The following CDH13 variants were observed in gnomAD, a reference collection of about 807,000 sequenced individuals.
CDH13 encodes the protein cadherin 13, also known as cadherin-13.
CDH13 carries 24 observed loss-of-function variants against 63.8 expected under a neutral mutation model. The observed-to-expected ratio is 0.38, with a 90% CI of 0.27 to 0.53. The LOEUF is 0.53. Among genes scored for constraint, CDH13 ranks in the 20% least tolerant of loss-of-function variants. The probability of loss-of-function intolerance (pLI) is 0.85; values close to 1 mark genes in which losing one functional copy is unlikely to be tolerated. For missense variants in CDH13, 1,049 were observed against 903.1 expected (o/e 1.16, Z -2.07); for synonymous variants, 503 against 355.3 (o/e 1.42, Z -4.67).
intron 5 of CDH13, among the ~76,000 whole-genome samples, chr16:83,238,384 C>A (rs936237045): frequency 6.6e-6 from 1 of 152,160 alleles, no homozygotes; most frequent in Non-Finnish European, 1.5e-5. Context: ...TCTTCTGAGA[C>A]TTATTCACTA....
chr16:83,308,158 AT>A (rs548059535), intron 5 of CDH13, among the ~76,000 whole-genome samples: 6 of 151,944 alleles, frequency 3.9e-5, no homozygotes, highest in Admixed American at 2.6e-4. Flanking sequence ...TATTCAATAT[AT>A]TTTTTTTGTT....
intron 2 of CDH13, among the ~76,000 whole-genome samples, chr16:82,870,782 A>C (rs888438015): frequency 5.3e-5 from 8 of 152,252 alleles, no homozygotes; most frequent in African/African-American, 1.7e-4. Context: ...TACCCATAAA[A>C]ATTTAAATTA....
At chr16:83,171,156 C>T (rs968477661) in intron 4 of CDH13, among the ~76,000 whole-genome samples, 2 of 152,068 alleles carry the variant, frequency 1.3e-5, no homozygotes, top group South Asian at 2.1e-4. Context: ...CCTTAGGAAA[C>T]TTATAGTCAT....
At chr16:83,474,907 C>A (rs1347634804) in intron 6 of CDH13, among the ~76,000 whole-genome samples, 3 of 152,184 alleles carry the variant, frequency 2.0e-5, no homozygotes, top group Admixed American at 6.5e-5. Context: ...GTTCAGTGAG[C>A]CGGTGCAGTT....
intron 1 of CDH13, among the ~76,000 whole-genome samples, chr16:82,715,771 A>G (rs1258238903): frequency 6.6e-6 from 1 of 152,120 alleles, no homozygotes; most frequent in Middle Eastern, 3.2e-3. Flanking sequence ...AGCAGCGATG[A>G]TGGGGTTTTT....
At chr16:83,470,844 A>C (rs2073434867) in intron 6 of CDH13, among the ~76,000 whole-genome samples, 1 of 152,180 alleles carries the variant, frequency 6.6e-6, no homozygotes, top group East Asian at 1.9e-4. Flanking sequence ...GTGCAAATTT[A>C]TCTTTTTACA....
intron 2 of CDH13, chr16:82,859,420 T>C (rs1051025552): frequency 5.9e-5 from 9 of 152,196 alleles, no homozygotes; most frequent in African/African-American, 2.2e-4. Flanking sequence ...TAGCTGGGCA[T>C]GGTGGCATAT....
At chr16:83,692,807 G>A (rs1905038719) in intron 10 of CDH13, among the ~76,000 whole-genome samples, 1 of 152,182 alleles carries the variant, frequency 6.6e-6, no homozygotes. Flanking sequence ...TAGCCGGCTG[G>A]GCACGGTGGC....
intron 5 of CDH13, among the ~76,000 whole-genome samples, chr16:83,258,138 A>C (rs953955921): frequency 1.3e-5 from 2 of 152,228 alleles, no homozygotes; most frequent in African/African-American, 4.8e-5. Context: ...TTTCTGATTT[A>C]CACAATAACG....
chr16:82,630,008 G>T (rs568019115), intron 1 of CDH13, among the ~76,000 whole-genome samples: 1 of 152,162 alleles, frequency 6.6e-6, no homozygotes, highest in African/African-American at 2.4e-5. Context: ...GAGGACAGTC[G>T]CTTGGGAGTG....
At chr16:83,649,284 A>T (rs1005956039) in intron 8 of CDH13, among the ~76,000 whole-genome samples, 2 of 152,228 alleles carry the variant, frequency 1.3e-5, no homozygotes, top group South Asian at 4.1e-4. Flanking sequence ...ATTACATCTC[A>T]ACAGTGACCA....
At chr16:83,529,953 T>A (rs914512840) in intron 7 of CDH13, among the ~76,000 whole-genome samples, 5 of 152,138 alleles carry the variant, frequency 3.3e-5, no homozygotes, top group African/African-American at 1.2e-4. Context: ...TAAGTAGGAG[T>A]GCAAAAGAAC....
At chr16:82,643,272 C>T (rs1909642857) in intron 1 of CDH13, among the ~76,000 whole-genome samples, 1 of 152,210 alleles carries the variant, frequency 6.6e-6, no homozygotes, top group South Asian at 2.1e-4. Flanking sequence ...GGCAGGTCAG[C>T]CTCAGGGCTC....
chr16:83,231,737 G>T (rs2151803450), intron 5 of CDH13, among the ~76,000 whole-genome samples: 1 of 152,216 alleles, frequency 6.6e-6, no homozygotes, highest in South Asian at 2.1e-4. Flanking sequence ...TACAGAAAAA[G>T]CCTGCCAACC....
intron 1 of CDH13, among the ~76,000 whole-genome samples, chr16:82,676,173 T>C (rs566276393): frequency 1.3e-5 from 2 of 152,334 alleles, no homozygotes; most frequent in South Asian, 4.1e-4. Context: ...ATAATTCATA[T>C]ATTTGGTCTT....
intron 6 of CDH13, among the ~76,000 whole-genome samples, chr16:83,351,207 C>A (rs970131175): frequency 6.7e-6 from 1 of 149,896 alleles, no homozygotes; most frequent in Non-Finnish European, 1.5e-5. Context: ...GACTTTCATG[C>A]TGTAGGTTCC....
At chr16:83,653,989 G>T (rs1019995788) in intron 8 of CDH13, among the ~76,000 whole-genome samples, 1 of 152,148 alleles carries the variant, frequency 6.6e-6, no homozygotes, top group Non-Finnish European at 1.5e-5. Flanking sequence ...ACACACACAT[G>T]GGTGGGGGAA....
chr16:82,917,914 C>CAAAAAAAAAAAAAAAAAAAA (rs34766700), intron 2 of CDH13, among the ~76,000 whole-genome samples: 1 of 45,948 alleles, frequency 2.2e-5, no homozygotes, highest in African/African-American at 6.8e-5. Context: ...GACTCCATGT[C>CAAAAAAAAAAAAAAAAAAAA]AAAAAAAAAA....
intron 1 of CDH13, among the ~76,000 whole-genome samples, chr16:82,758,474 C>T (rs533833331): frequency 2.4e-4 from 37 of 151,614 alleles, no homozygotes; most frequent in African/African-American, 8.0e-4. Flanking sequence ...TGTCTCTTTC[C>T]AGCTGAGCAG....
Sources: allele counts gnomAD v4.1 joint callset (sites outside exome capture counted in the v4.1 genomes callset), GRCh38; gene constraint gnomAD v4.1.1; transcripts MANE v1.5; gene names NCBI Gene and HGNC (gene_info 2026-07-23, HGNC 2026-07-21).